Variants in SMC4 observed in about 807,000 individuals in gnomAD.
SMC4 encodes structural maintenance of chromosomes 4, also known as structural maintenance of chromosomes protein 4.
SMC4 carries 87 observed loss-of-function variants against 145.6 expected under a neutral mutation model. That is an observed-to-expected ratio of 0.60 (90% CI 0.50 to 0.71). The LOEUF is 0.71. SMC4 is among the 30% of genes least tolerant of loss of function. SMC4 has a pLI of 0.00. For synonymous variants in SMC4, 558 were observed against 500.7 expected (o/e 1.11, Z -1.53); for missense variants, 1,447 against 1,537.1 (o/e 0.94, Z 0.98).
At position 160,419,543 on chromosome 3, in the gene SMC4, G is replaced by A. The variant is rs1716946170; in HGVS notation, c.1857G>A (p.Leu619=). 6.3e-7 allele frequency: 1 copy of A among 1,579,934 alleles called. No homozygotes were observed. Among genetic ancestry groups the A allele is most frequent in the Non-Finnish European group, 8.5e-7 (1 of 1,170,918 alleles). ...SGRIPGIYGR[L]GDLGAIDEKY... ...GGATTCCAGGAATATATGGAAGATT[G>A]GTAAAGTAGATTTTTGGGGGGCATG... is the stretch of plus-strand genomic sequence containing the variant. The change falls in exon 12 of 24, where the codon TTG becomes TTA. Residue 619 remains leucine (L), a splice_region_variant and synonymous_variant. Transcript: ENST00000357388.
chr3:160,402,641 CTT>C (rs1714831288), intron 3 of SMC4, 33 bp from the exon 4 acceptor site: 1 of 1,583,164 alleles, frequency 6.3e-7, no homozygotes, highest in Non-Finnish European at 8.5e-7. Flanking sequence ...ACCTTATGAA[CTT>C]TTCCGTGTTT....
chr3:160,430,753 G>T lies in SMC4; in HGVS notation c.2940+10G>T. The T allele has an allele frequency of 6.2e-7, 1 of 1,604,786 alleles. No homozygotes were observed. Among genetic ancestry groups the T allele is most frequent in the Non-Finnish European group, 8.5e-7 (1 of 1,176,968 alleles). On this transcript the variant is annotated intron_variant, in intron 19 of 23. Transcript: ENST00000357388. ...TACAAATGCTGCAGAGGTATGAGTT[G>T]CTTTGTATTGAAGAGGAGATGGGAT... is the stretch of plus-strand genomic sequence containing the variant.
In SMC4 at chr3:160,413,116, A is replaced by G. The variant is rs551353047; in HGVS notation, c.981-357A>G. On this transcript the variant is annotated intron_variant, in intron 7 of 23. Transcript: ENST00000357388. The stretch of plus-strand genomic sequence containing the variant: ...CACCTGGCTAATTATTATTATTATT[A>G]TTGTTGCTGGGATTTTTTTGTTTTT... 2.9e-4 allele frequency among the ~76,000 whole-genome samples: 44 copies of G among 151,808 alleles called. No homozygotes were observed. In the East Asian group the frequency reaches 3.9e-3, roughly 13 times the overall value.
intron 14 of SMC4, 29 bp from the exon 15 acceptor site, chr3:160,423,732 G>C: frequency 6.2e-7 from 1 of 1,606,780 alleles, no homozygotes; most frequent in East Asian, 2.2e-5. Context: ...GGAGACATCT[G>C]AAGCTGACTT....
chr3:160,410,548 C>T (rs569814695), intron 5 of SMC4, among the ~76,000 whole-genome samples: 1 of 152,042 alleles, frequency 6.6e-6, no homozygotes, highest in Non-Finnish European at 1.5e-5. Context: ...ACTTATATAC[C>T]GATTCATACA....
chr3:160,424,115 T>C (rs988440342), intron 15 of SMC4, among the ~76,000 whole-genome samples: 5 of 152,206 alleles, frequency 3.3e-5, no homozygotes, highest in African/African-American at 1.2e-4. Flanking sequence ...TATTTCTGTT[T>C]TACATTTAAT....
chr3:160,433,976 AT>A lies in SMC4; in HGVS notation c.*169del. 4.1e-6 allele frequency: 2 copies of A among 488,050 alleles called. No individual in the cohort carries two copies. The highest frequency in any genetic ancestry group is 7.1e-6 in the Non-Finnish European group (2 of 280,296). 30.2% of individuals were successfully genotyped at this position (488,050 alleles called of 1,614,324 possible). On this transcript the variant is annotated 3_prime_UTR_variant, in exon 24 of 24. Coordinates refer to ENST00000357388, the MANE Select transcript of SMC4 (RefSeq NM_001002800.3). ...AAAGTCTAATAAAATATTCTCTATA[AT>A]TGCTTCTAGATTACAAAAATATGAC... is the stretch of plus-strand genomic sequence containing the variant.
At position 160,432,497 on chromosome 3, in the gene SMC4, C is replaced by A; in HGVS notation, c.3512C>A (p.Ser1171Tyr). The change falls in exon 22 of 24, where the codon TCT becomes TAT. Residue 1171 changes from serine (S) to tyrosine (Y), a missense_variant. Transcript: ENST00000357388. ...CTTGTAGACAGCTTGGATCCTTTCT[C>A]TGAAGGAATCATGTTCAGGTGTGTA... is the stretch of plus-strand genomic sequence containing the variant. ...LELVDSLDPF[S>Y]EGIMFSVRPP... 6.3e-7 allele frequency: 1 copy of A among 1,599,924 alleles called. No individual in the cohort carries two copies. Among genetic ancestry groups the A allele is most frequent in the South Asian group, 1.1e-5 (1 of 89,204 alleles).
chr3:160,407,485 A>G (rs1715465283), intron 5 of SMC4, among the ~76,000 whole-genome samples: 1 of 152,068 alleles, frequency 6.6e-6, no homozygotes, highest in Non-Finnish European at 1.5e-5. Context: ...CCCAGGAGGC[A>G]GAGGTTGCAG....
At chr3:160,415,414 T>C (rs1159077704) in intron 9 of SMC4, among the ~76,000 whole-genome samples, 1 of 152,222 alleles carries the variant, frequency 6.6e-6, no homozygotes, top group African/African-American at 2.4e-5. Context: ...GCTGTGTTCA[T>C]GTTCATAGCT....
chr3:160,412,137 A>T, intron 6 of SMC4, 53 bp downstream of exon 6: 1 of 1,564,368 alleles, frequency 6.4e-7, no homozygotes, highest in Non-Finnish European at 8.7e-7. Context: ...TTTATGATCT[A>T]ACAAATTTTA....
chr3:160,412,172 T>G (rs1576953884), intron 6 of SMC4, 88 bp downstream of exon 6: 1 of 1,449,836 alleles, frequency 6.9e-7, no homozygotes, highest in East Asian at 2.3e-5. Context: ...CATGTTATAA[T>G]ACTTAATGAA....
At position 160,414,395 on chromosome 3, in the gene SMC4, G is replaced by A. The variant is rs1225596516; in HGVS notation, c.1150G>A (p.Glu384Lys). ...KKLNKITKFI[E>K]ENKEKFTQLD... ...ACTGAATAAAATTACAAAATTTATT[G>A]AGGAGAATAAAGAAAAATTTACACA... Residue 384 changes from glutamate to lysine, a missense_variant, in exon 9 of 24, where the codon GAG (glutamate) becomes AAG (lysine). Coordinates refer to ENST00000357388, the MANE Select transcript of SMC4 (RefSeq NM_001002800.3). 2 of 1,603,494 alleles carry A rather than the reference G, an allele frequency of 1.2e-6. No individual in the cohort carries two copies. Among genetic ancestry groups the A allele is most frequent in the Non-Finnish European group, 1.7e-6 (2 of 1,172,542 alleles).
chr3:160,425,196 G>A (rs1049538486), intron 16 of SMC4, among the ~76,000 whole-genome samples, 177 bp downstream of exon 16: 3 of 152,082 alleles, frequency 2.0e-5, no homozygotes, highest in African/African-American at 7.2e-5. Flanking sequence ...AATAGATAAC[G>A]CCCTGTCACA....
rs1461639940 is a variant in SMC4, at chr3:160,417,843, T to A, written c.1558T>A (p.Leu520Ile). Residue 520 changes from leucine (L) to isoleucine (I), a missense_variant, in exon 11 of 24, where the codon TTA becomes ATA. Physicochemically the swap from Leu to Ile is conservative, Grantham distance 5. Transcript: ENST00000357388. ...TCGTCATAATACTGCAGTGTCTCAA[T>A]TAACTAAGGCTAAGGAAGCTCTAAT... ...LSRHNTAVSQ[L>I]TKAKEALIAA... 6 of 1,613,588 alleles carry A rather than the reference T, an allele frequency of 3.7e-6. No homozygotes were observed. The Admixed American group carries it at 1.0e-4, about 27-fold the overall frequency.
At chr3:160,412,867 T>C (rs1716162814) in intron 7 of SMC4, 3 of 953,184 alleles carry the variant, frequency 3.1e-6, no homozygotes, top group Non-Finnish European at 3.8e-6. Flanking sequence ...CACAGGTATT[T>C]ATTACTGTAC....
At chr3:160,426,340 G>T (rs1717794778) in intron 17 of SMC4, 140 bp downstream of exon 17, 2 of 701,236 alleles carry the variant, frequency 2.9e-6, no homozygotes, top group Non-Finnish European at 4.8e-6. Flanking sequence ...TTGTTATAAA[G>T]TAAGTGTTAT....
intron 13 of SMC4, among the ~76,000 whole-genome samples, 168 bp downstream of exon 13, chr3:160,421,069 A>G (rs752737106): frequency 2.0e-5 from 3 of 152,082 alleles, no homozygotes; most frequent in Non-Finnish European, 4.4e-5. Context: ...ATCTGGTACT[A>G]CAGGTGCCCG....
intron 9 of SMC4, among the ~76,000 whole-genome samples, chr3:160,415,003 G>T (rs930006062): frequency 2.0e-5 from 3 of 152,036 alleles, no homozygotes; most frequent in Admixed American, 6.6e-5. Context: ...TTTAAGTTAG[G>T]TATTACAGAC....
Sources: allele counts gnomAD v4.1 joint callset (sites outside exome capture counted in the v4.1 genomes callset), GRCh38; gene constraint gnomAD v4.1.1; transcripts MANE v1.5; gene names NCBI Gene and HGNC (gene_info 2026-07-23, HGNC 2026-07-21).